The following ATP13A5 variants were observed in gnomAD, a reference collection of about 807,000 sequenced individuals.
ATP13A5 encodes the protein ATPase 13A5.
ATP13A5 carries 149 observed loss-of-function variants against 150.2 expected under a neutral mutation model. The ratio of observed to expected loss-of-function variants is 0.99; its 90% CI spans 0.87 to 1.14. The LOEUF (loss-of-function observed/expected upper bound fraction) is 1.14. Ranked by LOEUF, ATP13A5 falls within the 50% of genes most tolerant of loss-of-function variation. The pLI, the probability that ATP13A5 is intolerant of heterozygous loss-of-function variation, is 0.00. For missense variants in ATP13A5, 1,383 were observed against 1,449.3 expected (o/e 0.95, Z 0.74); for synonymous variants, 497 against 522.2 (o/e 0.95, Z 0.66).
chr3:193,324,770 C>A lies in ATP13A5; in HGVS notation c.1674+94G>T, dbSNP rs545284502. ...ACGCTTATACATACATTATTATGAA[C>A]CTTCTCTGTGTTTTAACAAAAATTA... On this transcript the variant is annotated intron_variant, in intron 14 of 29. Transcript: ENST00000342358. 161 of 1,386,010 alleles carry A rather than the reference C, an allele frequency of 1.2e-4. 4 individuals are homozygous for A. In the South Asian group the frequency reaches 1.6e-3, roughly 14 times the overall value. 85.9% of individuals were successfully genotyped at this position (1,386,010 alleles called of 1,614,324 possible). A position where few individuals can be genotyped will look rare whatever the true frequency, so the allele number is the denominator to read the frequency against.
At chr3:193,350,791 C>G (rs1341887536) in intron 7 of ATP13A5, among the ~76,000 whole-genome samples, 1 of 152,140 alleles carries the variant, frequency 6.6e-6, no homozygotes, top group African/African-American at 2.4e-5. Flanking sequence ...ATTAATCCAT[C>G]ACAGCATTCT....
At chr3:193,299,742 A>C (rs928100842) in intron 24 of ATP13A5, among the ~76,000 whole-genome samples, 2 of 152,100 alleles carry the variant, frequency 1.3e-5, no homozygotes, top group Non-Finnish European at 2.9e-5. Flanking sequence ...TGTAGACAGA[A>C]CTTCTTTCAA....
intron 2 of ATP13A5, 48 bp downstream of exon 2, chr3:193,364,059 A>C: frequency 6.3e-7 from 1 of 1,589,662 alleles, no homozygotes; most frequent in Non-Finnish European, 8.6e-7. Context: ...GAGGCAATAC[A>C]GAAGACACGA....
intron 13 of ATP13A5, among the ~76,000 whole-genome samples, 174 bp downstream of exon 13, chr3:193,326,822 C>T (rs1028469205): frequency 1.3e-5 from 2 of 152,170 alleles, no homozygotes; most frequent in African/African-American, 4.8e-5. Context: ...CTTTTCCTTT[C>T]TCATTCTGAA....
intron 5 of ATP13A5, 66 bp downstream of exon 5, chr3:193,362,315 A>T: frequency 4.3e-6 from 6 of 1,381,110 alleles, no homozygotes; most frequent in Non-Finnish European, 5.1e-6. Flanking sequence ...TGCACTGATG[A>T]TAACTGATTT....
intron 23 of ATP13A5, among the ~76,000 whole-genome samples, chr3:193,303,542 G>A (rs1284199743): frequency 6.6e-6 from 1 of 152,026 alleles, no homozygotes; most frequent in Non-Finnish European, 1.5e-5. Flanking sequence ...GTGTATATAT[G>A]TTAATGTATG....
intron 22 of ATP13A5, among the ~76,000 whole-genome samples, chr3:193,306,679 A>T (rs754299159): frequency 1.5e-4 from 23 of 152,324 alleles, no homozygotes; most frequent in Non-Finnish European, 2.9e-4. Flanking sequence ...TTGAAGGTAG[A>T]CTATTTGTTT....
Position 193,327,000 on chromosome 3 carries a change from T to C in ATP13A5, c.1519A>G (p.Asn507Asp). 1 of 1,613,870 alleles carries C rather than the reference T, an allele frequency of 6.2e-7. No individual in the cohort carries two copies. Among genetic ancestry groups the C allele is most frequent in the Non-Finnish European group, 8.5e-7 (1 of 1,179,844 alleles). The change falls in exon 13 of 30, where the codon AAC (asparagine) becomes GAC (aspartate). Residue 507 changes from asparagine (N) to aspartate (D), a missense_variant. Around this residue, in one of 3 missense-constraint regions of ATP13A5, gnomAD observed 787 missense variants for 771.9 expected, o/e 1.02. Transcript: ENST00000342358. ...ATTTTCACATAAGAGGCCTACCAGT[T>C]GTCAGCAGTAGGGACAGTCCCCCAG... ...DLWGTVPTAD[N>D]CFQEAHSFAS...
intron 8 of ATP13A5, 98 bp downstream of exon 8, chr3:193,344,905 G>A: frequency 8.0e-7 from 1 of 1,253,136 alleles, no homozygotes; most frequent in East Asian, 2.3e-5. Context: ...GGTTCAATCT[G>A]AAAAGATTAT....
chr3:193,292,088 T>G (rs1018435478), intron 25 of ATP13A5, among the ~76,000 whole-genome samples: 15 of 151,964 alleles, frequency 9.9e-5, no homozygotes, highest in African/African-American at 3.6e-4. Context: ...GGCTTTACCC[T>G]TAATCTGTAA....
Position 193,354,211 on chromosome 3 carries a change from T to C in ATP13A5, c.537-15A>G. ...ACACTAATCTTCTGCGGGAAATTGA[T>C]CATCCATTAGTGTCATAGCTACAAG... On this transcript the variant is annotated splice_polypyrimidine_tract_variant and intron_variant, in intron 5 of 29. Coordinates refer to ENST00000342358, the MANE Select transcript of ATP13A5 (RefSeq NM_198505.4). 1 of 1,608,410 alleles carries C rather than the reference T, an allele frequency of 6.2e-7. No homozygotes were observed. The highest frequency in any genetic ancestry group is 8.5e-7 in the Non-Finnish European group (1 of 1,178,182).
At chr3:193,343,465 C>T (rs1712205352) in intron 9 of ATP13A5, among the ~76,000 whole-genome samples, 1 of 152,170 alleles carries the variant, frequency 6.6e-6, no homozygotes, top group Admixed American at 6.5e-5. Context: ...AACTCCTTTC[C>T]TGTGAAACCT....
At chr3:193,299,072 G>A in intron 25 of ATP13A5, 59 bp downstream of exon 25, 1 of 1,410,410 alleles carries the variant, frequency 7.1e-7, no homozygotes, top group East Asian at 2.4e-5. Flanking sequence ...TTGTGTGACT[G>A]TTTCTAGAAT....
chr3:193,305,948 T>C (rs1718599501), intron 22 of ATP13A5, among the ~76,000 whole-genome samples: 1 of 152,006 alleles, frequency 6.6e-6, no homozygotes, highest in African/African-American at 2.4e-5. Context: ...GTGGGGATTA[T>C]AGATGTGAAA....
chr3:193,345,698 G>T (rs1345663830), intron 7 of ATP13A5, among the ~76,000 whole-genome samples: 1 of 152,150 alleles, frequency 6.6e-6, no homozygotes, highest in Non-Finnish European at 1.5e-5. Flanking sequence ...TTTCAATCTT[G>T]TCTATTAAGT....
chr3:193,364,058 C>T (rs184518721), intron 2 of ATP13A5, 49 bp downstream of exon 2: 6 of 1,587,562 alleles, frequency 3.8e-6, no homozygotes, highest in Non-Finnish European at 5.2e-6. Flanking sequence ...AGAGGCAATA[C>T]AGAAGACACG....
rs1377562205 is a variant in ATP13A5, at chr3:193,301,291, G to A, written c.2695C>T (p.Leu899=). Reference sequence around the variant, plus strand: ...TTAAATACTCCAAAGGATGAAACCAGAGCAGCTCGGCCTTCTCTGTTTAAA... The same window carrying A: ...TTAAATACTCCAAAGGATGAAACCAAAGCAGCTCGGCCTTCTCTGTTTAAA... ...PHLIREGRAA[L]VSSFGVFKYL... Residue 899 remains leucine, a synonymous_variant, in exon 24 of 30, where the codon CTG becomes TTG. Coordinates refer to ENST00000342358, the MANE Select transcript of ATP13A5 (RefSeq NM_198505.4). The A allele has an allele frequency of 4.3e-6, 7 of 1,612,624 alleles. No homozygotes were observed. In the African/African-American group the frequency reaches 5.3e-5, roughly 12 times the overall value.
chr3:193,356,340 G>A (rs1016120211), intron 5 of ATP13A5, among the ~76,000 whole-genome samples: 9 of 151,888 alleles, frequency 5.9e-5, no homozygotes, highest in South Asian at 2.1e-4. Context: ...GATACATTCC[G>A]AATGCCTAAA....
intron 1 of ATP13A5, among the ~76,000 whole-genome samples, chr3:193,374,207 G>A (rs1239667292): frequency 4.6e-5 from 7 of 151,734 alleles, no homozygotes; most frequent in African/African-American, 1.2e-4. Flanking sequence ...AATACCTATC[G>A]GTCATTGAGA....
Sources: allele counts gnomAD v4.1 joint callset (sites outside exome capture counted in the v4.1 genomes callset), GRCh38; gene constraint gnomAD v4.1.1; regional missense constraint gnomAD v4.1.1; transcripts MANE v1.5; gene names NCBI Gene and HGNC (gene_info 2026-07-23, HGNC 2026-07-21).